The following SULT1C3 variants were observed in gnomAD, a reference collection of about 807,000 sequenced individuals.
SULT1C3 encodes sulfotransferase family 1C member 3, also known as sulfotransferase 1C3.
In SULT1C3, 31 loss-of-function variants were observed where a neutral mutation model predicts 28.4. That is an observed-to-expected ratio of 1.09 (90% CI 0.82 to 1.47). SULT1C3 has a LOEUF of 1.47. Ranked by LOEUF, SULT1C3 falls within the 40% of genes most tolerant of loss-of-function variation. SULT1C3 has a pLI of 0.00. For missense variants in SULT1C3, 307 were observed against 272.5 expected (o/e 1.13, Z -0.89); for synonymous variants, 106 against 92.2 (o/e 1.15, Z -0.86).
chr2:108,260,508 A>C, intron 7 of SULT1C3, 60 bp from the exon 8 acceptor site: 1 of 455,492 alleles, frequency 2.2e-6, no homozygotes, highest in Non-Finnish European at 4.4e-6. Context: ...ACCATTCACT[A>C]TAGAAAGGTT....
At chr2:108,243,350 G>A (rs1402321067) in intron 1 of SULT1C3, among the ~76,000 whole-genome samples, 3 of 152,078 alleles carry the variant, frequency 2.0e-5, no homozygotes, top group Non-Finnish European at 2.9e-5. Context: ...ATGTTTCCAG[G>A]GCCGGGCGCG....
chr2:108,252,189 GGATA>G (rs1477414970), intron 2 of SULT1C3, among the ~76,000 whole-genome samples, 172 bp from the exon 3 acceptor site: 1 of 133,864 alleles, frequency 7.5e-6, no homozygotes, highest in Non-Finnish European at 1.6e-5. Flanking sequence ...ATAGATAGAT[GGATA>G]GATAGATGGA....
chr2:108,257,290 T>G (rs1481617943), intron 5 of SULT1C3, among the ~76,000 whole-genome samples: 3 of 152,002 alleles, frequency 2.0e-5, no homozygotes, highest in Non-Finnish European at 2.9e-5. Flanking sequence ...TGCCTGATTT[T>G]CCAGCATCCC....
At chr2:108,259,389 T>A (rs923671650) in intron 7 of SULT1C3, among the ~76,000 whole-genome samples, 2 of 152,100 alleles carry the variant, frequency 1.3e-5, no homozygotes, top group Non-Finnish European at 2.9e-5. Flanking sequence ...GAGATACTGA[T>A]TCCACAGATC....
At chr2:108,264,910 C>T (rs1676099580), downstream of SULT1C3, 1 of 1,613,910 alleles carries the variant, frequency 6.2e-7, no homozygotes, top group Non-Finnish European at 8.5e-7. Flanking sequence ...ATCTATCACA[C>T]CTCCTTTGAT....
chr2:108,258,957 C>A lies in SULT1C3; in HGVS notation c.622-9C>A. 1 of 727,788 alleles carries A rather than the reference C, an allele frequency of 1.4e-6. No homozygotes were observed. The highest frequency in any genetic ancestry group is 2.4e-6 in the Non-Finnish European group (1 of 424,744). 45.1% of individuals were successfully genotyped at this position (727,788 alleles called of 1,614,324 possible). ...CCCTCTTCACAATGCCTTTTTCTCC[C>A]ATGATCAGAATCCAAAACATGAGAT... On this transcript the variant is annotated splice_polypyrimidine_tract_variant and intron_variant, in intron 6 of 7. Transcript: ENST00000681802.
Position 108,252,169 on chromosome 2 carries a change from A to AGATG in SULT1C3, c.173-193_173-192insGGAT, listed in dbSNP as rs1248932461. On this transcript the variant is annotated intron_variant, in intron 2 of 7. Transcript: ENST00000681802. ...AGATTAGATAGATAGATAGATAGATAGATAGATAGATAGATAGATGGATAG... is the reference window on the plus strand; with the variant it reads ...AGATTAGATAGATAGATAGATAGATAGATGGATAGATAGATAGATAGATGGATAG... 2.6e-5 allele frequency among the ~76,000 whole-genome samples: 4 copies of AGATG among 151,872 alleles called. No homozygotes were observed. In the East Asian group the frequency reaches 7.7e-4, roughly 29 times the overall value.
chr2:108,255,689 T>C lies in SULT1C3; in HGVS notation c.517T>C (p.Ser173Pro), dbSNP rs750829609. 12 of 1,610,494 alleles carry C rather than the reference T, an allele frequency of 7.5e-6. No individual in the cohort carries two copies. The highest frequency in any genetic ancestry group is 1.0e-5 in the Non-Finnish European group (12 of 1,177,636). Reference protein sequence around the residue: ...NLEEFYEKFMSGKVVGGSWFD... With the variant: ...NLEEFYEKFMPGKVVGGSWFD... ...AGAGGAATTTTATGAGAAATTCATG[T>C]CCGGAAAAGGTGAGTTCAAACTGAT... is the stretch of plus-strand genomic sequence containing the variant. The change falls in exon 5 of 8, where the codon TCC becomes CCC. Residue 173 changes from serine (S) to proline (P), a missense_variant. Ser to Pro is a moderately conservative substitution (Grantham distance 74). Transcript: ENST00000681802.
At chr2:108,265,237 A>C, downstream of SULT1C3, 1 of 1,612,886 alleles carries the variant, frequency 6.2e-7, no homozygotes, top group Non-Finnish European at 8.5e-7. Flanking sequence ...GCCTTGTTTC[A>C]GGGATGCCTG....
intron 4 of SULT1C3, 33 bp downstream of exon 4, chr2:108,253,475 G>A: frequency 8.4e-7 from 1 of 1,183,580 alleles, no homozygotes; most frequent in East Asian, 2.5e-5. Context: ...ACTTCTCTTA[G>A]CTTGGTGATA....
downstream of SULT1C3, chr2:108,264,802 T>G: frequency 6.3e-7 from 1 of 1,585,774 alleles, no homozygotes. Flanking sequence ...ATGATTTGTT[T>G]GGTGTGACTG....
At chr2:108,260,379 G>C (rs1398962371) in intron 7 of SULT1C3, among the ~76,000 whole-genome samples, 189 bp from the exon 8 acceptor site, 1 of 152,110 alleles carries the variant, frequency 6.6e-6, no homozygotes, top group Non-Finnish European at 1.5e-5. Flanking sequence ...GATGCTGTGT[G>C]CCTTGTGGTA....
intron 1 of SULT1C3, among the ~76,000 whole-genome samples, chr2:108,240,447 G>C (rs553427800): frequency 6.6e-6 from 1 of 152,302 alleles, no homozygotes; most frequent in East Asian, 1.9e-4. Context: ...TGGTGCAGTA[G>C]ATAATTTCCA....
At chr2:108,253,615 A>T (rs1484020171) in intron 4 of SULT1C3, among the ~76,000 whole-genome samples, 173 bp downstream of exon 4, 1 of 152,124 alleles carries the variant, frequency 6.6e-6, no homozygotes, top group Admixed American at 6.6e-5. Context: ...ATCTGCAAAC[A>T]TCCATGTTTT....
In SULT1C3 at chr2:108,255,704, T is replaced by A. The variant is rs748185711; in HGVS notation, c.526+6T>A. 3.1e-6 allele frequency: 5 copies of A among 1,608,584 alleles called. No individual in the cohort carries two copies. The South Asian group carries it at 4.4e-5, about 14-fold the overall frequency. On this transcript the variant is annotated splice_donor_region_variant and intron_variant, in intron 5 of 7. Transcript: ENST00000681802. The stretch of plus-strand genomic sequence containing the variant: ...GAAATTCATGTCCGGAAAAGGTGAG[T>A]TCAAACTGATCTTTTTGGTACCCTC...
intron 4 of SULT1C3, among the ~76,000 whole-genome samples, chr2:108,254,506 AC>A (rs899152327): frequency 2.5e-4 from 38 of 151,812 alleles, no homozygotes; most frequent in African/African-American, 8.9e-4. Flanking sequence ...CTCTCTTCTT[AC>A]CTCACTGATC....
At chr2:108,250,234 C>CAA (rs879647159) in intron 2 of SULT1C3, among the ~76,000 whole-genome samples, 1 of 144,514 alleles carries the variant, frequency 6.9e-6, no homozygotes, top group African/African-American at 2.5e-5. Flanking sequence ...GAACAAAAAA[C>CAA]AAAAAAAAAA....
At chr2:108,252,181 A>G (rs6729721) in intron 2 of SULT1C3, among the ~76,000 whole-genome samples, 184 bp from the exon 3 acceptor site, 1 of 143,380 alleles carries the variant, frequency 7.0e-6, no homozygotes, top group African/African-American at 2.6e-5. Context: ...ATAGATAGAT[A>G]GATAGATGGA....
At chr2:108,264,930 C>G, downstream of SULT1C3, 1 of 1,613,918 alleles carries the variant, frequency 6.2e-7, no homozygotes, top group Non-Finnish European at 8.5e-7. Flanking sequence ...TGTAATGAAG[C>G]AAAACCCAAT....
Sources: allele counts gnomAD v4.1 joint callset (sites outside exome capture counted in the v4.1 genomes callset), GRCh38; gene constraint gnomAD v4.1.1; transcripts MANE v1.5; gene names NCBI Gene and HGNC (gene_info 2026-07-23, HGNC 2026-07-21).